Variants in PDE3A observed in about 807,000 individuals in gnomAD.
The protein encoded by PDE3A is phosphodiesterase 3A.
Under a neutral mutation model 98.3 loss-of-function variants are expected in PDE3A, and 43 were observed. The observed-to-expected ratio is 0.44, with a 90% confidence interval of 0.34 to 0.56. The LOEUF (loss-of-function observed/expected upper bound fraction) is 0.56. Among genes scored for constraint, PDE3A ranks in the 20% least tolerant of loss-of-function variants. PDE3A has a pLI of 0.01. For synonymous variants in PDE3A, 663 were observed against 567.9 expected, an observed-to-expected ratio of 1.17 and a Z score of -2.38; for missense variants, 1,427 against 1,440.7, an observed-to-expected ratio of 0.99 and a Z score of 0.15.
chr12:20,533,895 C>T (rs1363481848), intron 1 of PDE3A, among the ~76,000 whole-genome samples: 3 of 152,134 alleles, frequency 2.0e-5, no homozygotes, highest in African/African-American at 7.2e-5. Context: ...TTCAAAATTA[C>T]ATTCAGATTT....
intron 1 of PDE3A, among the ~76,000 whole-genome samples, chr12:20,393,954 C>A (rs1943963956): frequency 6.6e-6 from 1 of 152,024 alleles, no homozygotes; most frequent in Admixed American, 6.6e-5. Context: ...ATGTGTGTGT[C>A]ACATCCATCA....
At chr12:20,400,379 GTT>G (rs75851941) in intron 1 of PDE3A, among the ~76,000 whole-genome samples, 1 of 110,278 alleles carries the variant, frequency 9.1e-6, no homozygotes, top group Non-Finnish European at 1.7e-5. Context: ...GTTAACATTG[GTT>G]TTTTTTTTTT....
intron 1 of PDE3A, among the ~76,000 whole-genome samples, chr12:20,456,347 C>T (rs1591951649): frequency 6.6e-6 from 1 of 152,082 alleles, no homozygotes; most frequent in East Asian, 1.9e-4. Flanking sequence ...TATATCATAC[C>T]ACCAAGGAGA....
At chr12:20,453,003 C>T (rs958744429) in intron 1 of PDE3A, among the ~76,000 whole-genome samples, 7 of 152,184 alleles carry the variant, frequency 4.6e-5, no homozygotes, top group African/African-American at 4.8e-5. Context: ...TTTTTAGCCT[C>T]TGCCTTTAGG....
At chr12:20,555,189 A>G (rs997997822) in intron 1 of PDE3A, among the ~76,000 whole-genome samples, 17 of 152,140 alleles carry the variant, frequency 1.1e-4, no homozygotes, top group African/African-American at 3.9e-4. Context: ...ACGCCTGGCT[A>G]ATTTTTGTAC....
intron 2 of PDE3A, among the ~76,000 whole-genome samples, chr12:20,575,680 T>A (rs1942912818): frequency 6.6e-6 from 1 of 152,064 alleles, no homozygotes; most frequent in South Asian, 2.1e-4. Flanking sequence ...AGAGTTCTAC[T>A]TCATTCTGAG....
chr12:20,671,680 G>C (rs1945486295), intron 15 of PDE3A, among the ~76,000 whole-genome samples: 1 of 148,418 alleles, frequency 6.7e-6, no homozygotes, highest in Non-Finnish European at 1.5e-5. Flanking sequence ...CAATAAATTA[G>C]GTATTGATGG....
rs189198241 is a variant in PDE3A at position 20,509,095 on chromosome 12, A to G, written c.961-47565A>G. 1.1e-3 allele frequency among the ~76,000 whole-genome samples: 161 copies of G among 152,158 alleles called. 1 individual carries two copies. The highest frequency in any genetic ancestry group is 1.4e-3 in the Non-Finnish European group (94 of 67,962). The stretch of plus-strand genomic sequence containing the variant: ...GGATTTGTGACATTGTGCGTCATCA[A>G]GAGCTGTTCTCAGAAACGCAGATTC... On this transcript the variant is annotated intron_variant, in intron 1 of 15. Transcript: ENST00000359062.
At chr12:20,616,848 C>A (rs1944020659) in intron 4 of PDE3A, among the ~76,000 whole-genome samples, 1 of 152,086 alleles carries the variant, frequency 6.6e-6, no homozygotes, top group Non-Finnish European at 1.5e-5. Flanking sequence ...CTAAGAACAC[C>A]TAGATATGTT....
At chr12:20,653,272 G>A (rs1592150121) in intron 14 of PDE3A, among the ~76,000 whole-genome samples, 1 of 152,082 alleles carries the variant, frequency 6.6e-6, no homozygotes, top group African/African-American at 2.4e-5. Flanking sequence ...GTAACCCCTT[G>A]AATTGAGCAA....
At position 20,680,720 on chromosome 12, in the gene PDE3A, G is replaced by A; in HGVS notation, c.*449G>A. The A allele has an allele frequency of 6.5e-6, 1 of 154,860 alleles. No individual in the cohort carries two copies. The highest frequency in any genetic ancestry group is 2.0e-4 in the South Asian group (1 of 4,992). 9.6% of individuals were successfully genotyped at this position (154,860 alleles called of 1,614,324 possible). A position where few individuals can be genotyped will look rare whatever the true frequency, so the allele number is the denominator to read the frequency against. On this transcript the variant is annotated 3_prime_UTR_variant, in exon 16 of 16. Coordinates refer to ENST00000359062, the MANE Select transcript of PDE3A (RefSeq NM_000921.5). ...AAAGGAGATGGTGTGGCTTAGCAAG[G>A]AAACAGTGCAGGAAATGTAGGTTAC...
chr12:20,386,034 T>C (rs1439900453), intron 1 of PDE3A, among the ~76,000 whole-genome samples: 5 of 90,764 alleles, frequency 5.5e-5, no homozygotes, highest in African/African-American at 2.2e-4. Context: ...TATATAAATA[T>C]ATATAAAATA....
At chr12:20,514,686 A>G (rs1260051888) in intron 1 of PDE3A, among the ~76,000 whole-genome samples, 1 of 152,250 alleles carries the variant, frequency 6.6e-6, no homozygotes, top group Non-Finnish European at 1.5e-5. Flanking sequence ...TGTATGAATT[A>G]TAAACTTATT....
At chr12:20,671,621 C>T (rs1426700846) in intron 15 of PDE3A, among the ~76,000 whole-genome samples, 34 of 150,906 alleles carry the variant, frequency 2.3e-4, no homozygotes, top group Admixed American at 3.3e-4. Flanking sequence ...TCAATAGATG[C>T]AGAAAAAGCC....
intron 1 of PDE3A, among the ~76,000 whole-genome samples, chr12:20,450,792 G>A (rs1273161655): frequency 6.6e-6 from 1 of 152,184 alleles, no homozygotes; most frequent in Admixed American, 6.5e-5. Flanking sequence ...TATAACAAAT[G>A]AAGATGCATG....
At chr12:20,662,871 C>G (rs1239454637) in intron 15 of PDE3A, among the ~76,000 whole-genome samples, 1 of 152,158 alleles carries the variant, frequency 6.6e-6, no homozygotes, top group Admixed American at 6.5e-5. Context: ...TGTTAATCAC[C>G]AAGACAATGG....
intron 2 of PDE3A, among the ~76,000 whole-genome samples, chr12:20,565,666 A>G (rs1942638374): frequency 6.6e-6 from 1 of 152,020 alleles, no homozygotes; most frequent in African/African-American, 2.4e-5. Flanking sequence ...TTTTAAGATG[A>G]ATATTAACAT....
intron 1 of PDE3A, among the ~76,000 whole-genome samples, chr12:20,433,993 A>C (rs1217146315): frequency 6.6e-6 from 1 of 152,190 alleles, no homozygotes; most frequent in Admixed American, 6.5e-5. Flanking sequence ...CTCTGAGATC[A>C]GGTCTCATTT....
chr12:20,643,811 TTTG>T (rs1408137760), intron 10 of PDE3A, among the ~76,000 whole-genome samples: 1 of 152,066 alleles, frequency 6.6e-6, no homozygotes, highest in African/African-American at 2.4e-5. Flanking sequence ...TTGTTGAAAG[TTTG>T]TTTTTTGTTT....
Sources: allele counts gnomAD v4.1 joint callset (sites outside exome capture counted in the v4.1 genomes callset), GRCh38; gene constraint gnomAD v4.1.1; transcripts MANE v1.5; gene names NCBI Gene and HGNC (gene_info 2026-07-23, HGNC 2026-07-21).